The following MARCHF1 variants were observed in gnomAD, a reference collection of about 807,000 sequenced individuals.
The protein encoded by MARCHF1 is E3 ubiquitin-protein ligase MARCHF1.
In MARCHF1, 40 loss-of-function variants were observed where a neutral mutation model predicts 54.2. The observed-to-expected ratio is 0.74, with a 90% confidence interval of 0.57 to 0.96. The LOEUF (loss-of-function observed/expected upper bound fraction) is 0.96. MARCHF1 is among the 40% of genes least tolerant of loss of function. MARCHF1 has a pLI of 0.00. For missense variants in MARCHF1, 586 were observed against 656.5 expected (o/e 0.89, Z 1.17); for synonymous variants, 236 against 236.3 (o/e 1.00, Z 0.01).
At chr4:163,784,197 T>C (rs772788516) in intron 4 of MARCHF1, among the ~76,000 whole-genome samples, 2 of 152,050 alleles carry the variant, frequency 1.3e-5, no homozygotes, top group African/African-American at 2.4e-5. Flanking sequence ...ATACCTCTTC[T>C]AGATTTTTGG....
At chr4:164,098,416 G>C (rs2111149480) in intron 2 of MARCHF1, among the ~76,000 whole-genome samples, 1 of 152,226 alleles carries the variant, frequency 6.6e-6, no homozygotes, top group South Asian at 2.1e-4. Flanking sequence ...TTGTTTGGAA[G>C]GACAAGATGA....
intron 4 of MARCHF1, among the ~76,000 whole-genome samples, chr4:163,796,001 G>T (rs1243546274): frequency 6.6e-6 from 1 of 152,162 alleles, no homozygotes; most frequent in Non-Finnish European, 1.5e-5. Context: ...TTAAATGGAA[G>T]TGAATCATCA....
chr4:164,189,716 C>CT (rs113219831), intron 1 of MARCHF1: 121,844 of 1,073,712 alleles, frequency 0.11, 9,397 homozygotes, highest in African/African-American at 0.27. Context: ...ACCAAGAAGT[C>CT]CATATCTTTT....
chr4:163,616,430 T>C (rs1389910990), intron 5 of MARCHF1, among the ~76,000 whole-genome samples: 2 of 151,986 alleles, frequency 1.3e-5, no homozygotes, highest in African/African-American at 2.4e-5. Flanking sequence ...AATCTGATTG[T>C]AAAATGGGAA....
chr4:164,179,404 ACT>A (rs758252510), intron 1 of MARCHF1, among the ~76,000 whole-genome samples: 22,094 of 152,092 alleles, frequency 0.15, 2,150 homozygotes, highest in African/African-American at 0.26. Flanking sequence ...AGTATGTAAT[ACT>A]TGAACAAACA....
At chr4:163,719,817 C>T (rs1246072008) in intron 4 of MARCHF1, among the ~76,000 whole-genome samples, 1 of 152,188 alleles carries the variant, frequency 6.6e-6, no homozygotes, top group East Asian at 1.9e-4. Context: ...CTTTTGGCTA[C>T]ATAAATGTCT....
At chr4:163,994,257 A>AGGTGTGTGT (rs1240127790) in intron 2 of MARCHF1, among the ~76,000 whole-genome samples, 27 of 137,130 alleles carry the variant, frequency 2.0e-4, no homozygotes, top group African/African-American at 7.1e-4. Context: ...ATAGAGAAAA[A>AGGTGTGTGT]GTGTGTGTGT....
At chr4:163,611,534 T>C (rs1741340536) in intron 7 of MARCHF1, among the ~76,000 whole-genome samples, 1 of 152,104 alleles carries the variant, frequency 6.6e-6, no homozygotes, top group Non-Finnish European at 1.5e-5. Flanking sequence ...TACAAATATA[T>C]TTTTTTGTTT....
chr4:163,738,211 T>C (rs1177824439), intron 4 of MARCHF1, among the ~76,000 whole-genome samples: 4 of 152,184 alleles, frequency 2.6e-5, no homozygotes, highest in Non-Finnish European at 5.9e-5. Context: ...CAGAAAAATG[T>C]AGAGGACACA....
At chr4:163,886,287 A>C (rs555594345) in intron 3 of MARCHF1, among the ~76,000 whole-genome samples, 2 of 149,622 alleles carry the variant, frequency 1.3e-5, no homozygotes, top group East Asian at 3.9e-4. Flanking sequence ...AGATATATAG[A>C]TATATCTCTT....
chr4:164,073,094 C>T (rs1754903994), intron 2 of MARCHF1, among the ~76,000 whole-genome samples: 1 of 152,088 alleles, frequency 6.6e-6, no homozygotes, highest in Non-Finnish European at 1.5e-5. Context: ...TAAACAAAGT[C>T]AGGAACAAGG....
intron 1 of MARCHF1, among the ~76,000 whole-genome samples, chr4:164,226,298 G>C (rs1301720142): frequency 1.3e-5 from 2 of 151,956 alleles, no homozygotes; most frequent in Non-Finnish European, 2.9e-5. Flanking sequence ...ATTCCAAGGG[G>C]TATCACCTCT....
rs556212965 is a variant in MARCHF1, at chr4:163,985,056, A to G, written c.-39+3445T>C. ...ATCTGATTACTAATTTCCTTCCAGA[A>G]CCCTCCTGGAGCTAAAACTCAAACA... On this transcript the variant is annotated intron_variant, in intron 3 of 9. Coordinates refer to ENST00000514618, the MANE Select transcript of MARCHF1 (RefSeq NM_001394959.1). Among the ~76,000 whole-genome samples the G allele has an allele frequency of 2.6e-5, 4 of 152,172 alleles. No homozygotes were observed. The East Asian group carries it at 7.7e-4, about 29-fold the overall frequency.
At chr4:163,992,502 C>T (rs1286801087) in intron 2 of MARCHF1, among the ~76,000 whole-genome samples, 1 of 151,782 alleles carries the variant, frequency 6.6e-6, no homozygotes, top group Non-Finnish European at 1.5e-5. Flanking sequence ...GAATTGAGGC[C>T]TCTATTGTGC....
intron 3 of MARCHF1, among the ~76,000 whole-genome samples, chr4:163,928,474 AG>A (rs1408422923): frequency 6.6e-6 from 1 of 151,902 alleles, no homozygotes; most frequent in African/African-American, 2.4e-5. Context: ...TTATAACTCT[AG>A]GGTAGTTGGT....
chr4:164,340,569 G>T (rs996361327), intron 1 of MARCHF1, among the ~76,000 whole-genome samples: 1 of 150,428 alleles, frequency 6.6e-6, no homozygotes, highest in Non-Finnish European at 1.5e-5. Context: ...AGCTGGGACC[G>T]CCCCACACCA....
chr4:164,350,921 C>T (rs868555302), intron 1 of MARCHF1, among the ~76,000 whole-genome samples: 7 of 152,072 alleles, frequency 4.6e-5, no homozygotes, highest in South Asian at 2.1e-4. Context: ...GGGCGCGAGC[C>T]GAAGCAGGGC....
Position 164,251,294 on chromosome 4 carries a change from C to A in MARCHF1, c.-323+132576G>T, listed in dbSNP as rs1420421200. Among the ~76,000 whole-genome samples, 3 of 152,224 alleles carry A rather than the reference C, an allele frequency of 2.0e-5. No individual in the cohort carries two copies. In the East Asian group the frequency reaches 5.8e-4, roughly 29 times the overall value. ...TTTATACACAGAACATATAATTATG[C>A]TGAGCAGATTCAAAGTCACATTGTT... is the stretch of plus-strand genomic sequence containing the variant. On this transcript the variant is annotated intron_variant, in intron 1 of 9. Coordinates refer to ENST00000514618, the MANE Select transcript of MARCHF1 (RefSeq NM_001394959.1).
At chr4:163,557,485 G>A (rs1739330358) in intron 8 of MARCHF1, among the ~76,000 whole-genome samples, 1 of 144,058 alleles carries the variant, frequency 6.9e-6, no homozygotes, top group South Asian at 2.3e-4. Context: ...ATGCCAAGGG[G>A]TGTGTTTTTT....
Sources: gnomAD v4.1 joint callset for allele counts (sites outside exome capture counted in the v4.1 genomes callset) on GRCh38, gnomAD v4.1.1 for gene constraint, MANE v1.5 for transcripts, NCBI Gene and HGNC (gene_info 2026-07-23, HGNC 2026-07-21) for gene names.